The following ACOXL variants were observed in gnomAD, a reference collection of about 807,000 sequenced individuals.
The protein encoded by ACOXL is acyl-coenzyme A oxidase-like protein.
Under a neutral mutation model 71.9 loss-of-function variants are expected in ACOXL, and 70 were observed. That is an observed-to-expected ratio of 0.97 (90% CI 0.80 to 1.19). The LOEUF is 1.19. ACOXL is among the 50% of genes most tolerant of loss of function. ACOXL has a pLI of 0.00. For missense variants in ACOXL, 703 were observed against 736.3 expected (o/e 0.95, Z 0.52); for synonymous variants, 253 against 281.6 (o/e 0.90, Z 1.02).
intron 14 of ACOXL, among the ~76,000 whole-genome samples, chr2:111,014,028 G>A (rs1204968182): frequency 6.6e-6 from 1 of 152,178 alleles, no homozygotes; most frequent in African/African-American, 2.4e-5. Context: ...AATCCAACAT[G>A]AGCTGATGAT....
rs755865532 is a variant in ACOXL, at chr2:111,092,975, C to A, written c.1542+9C>A. The A allele has an allele frequency of 6.0e-5, 96 of 1,610,790 alleles. 1 individual carries two copies. In the Admixed American group the frequency reaches 1.6e-3, roughly 27 times the overall value. ...CGAGGATCAGGAATCAGGTAAGGTC[C>A]CTGGGGTACAGAAAAACACTTTGTA... On this transcript the variant is annotated intron_variant, in intron 17 of 17. Coordinates refer to ENST00000439055, the MANE Select transcript of ACOXL (RefSeq NM_001142807.4).
intron 1 of ACOXL, among the ~76,000 whole-genome samples, chr2:110,765,440 C>T (rs1309828474): frequency 6.6e-6 from 1 of 152,078 alleles, no homozygotes; most frequent in East Asian, 1.9e-4. Context: ...ATTATTGTCC[C>T]AAATGTTCCT....
chr2:110,942,953 A>T (rs1169438475), intron 12 of ACOXL, among the ~76,000 whole-genome samples: 3 of 147,598 alleles, frequency 2.0e-5, no homozygotes, highest in Non-Finnish European at 4.5e-5. Context: ...AGAAAGAAAG[A>T]AGAAAGAAAA....
chr2:110,967,266 C>G (rs1243870103), intron 12 of ACOXL, among the ~76,000 whole-genome samples: 1 of 151,980 alleles, frequency 6.6e-6, no homozygotes, highest in African/African-American at 2.4e-5. Flanking sequence ...TGCAGTCTGA[C>G]CCCAATAATA....
intron 10 of ACOXL, among the ~76,000 whole-genome samples, chr2:110,884,838 G>A (rs905324082): frequency 3.3e-5 from 5 of 151,824 alleles, no homozygotes; most frequent in African/African-American, 9.7e-5. Context: ...GGTTTTTTCC[G>A]TTCAGCCCAA....
intron 9 of ACOXL, among the ~76,000 whole-genome samples, chr2:110,835,687 G>A (rs973843404): frequency 6.6e-6 from 1 of 152,234 alleles, no homozygotes; most frequent in South Asian, 2.1e-4. Context: ...TTTGGGCTGC[G>A]TCATCATTAT....
chr2:110,836,211 G>A (rs556119664), intron 9 of ACOXL, among the ~76,000 whole-genome samples: 1 of 152,278 alleles, frequency 6.6e-6, no homozygotes, highest in African/African-American at 2.4e-5. Context: ...GGGCTGTTGG[G>A]GGTAGTGTGC....
chr2:110,756,332 T>C (rs1257544873), intron 1 of ACOXL, among the ~76,000 whole-genome samples: 1 of 152,212 alleles, frequency 6.6e-6, no homozygotes, highest in East Asian at 1.9e-4. Flanking sequence ...TTTCGTCATG[T>C]TGGCCAGGCT....
chr2:110,833,533 T>C (rs116692954), intron 9 of ACOXL, among the ~76,000 whole-genome samples: 149 of 152,250 alleles, frequency 9.8e-4, no homozygotes, highest in African/African-American at 3.4e-3. Flanking sequence ...GCTTGTGATA[T>C]TGTGCTAAGT....
chr2:110,929,878 GA>G (rs1419812088), intron 11 of ACOXL, among the ~76,000 whole-genome samples: 1 of 152,236 alleles, frequency 6.6e-6, no homozygotes, highest in Admixed American at 6.5e-5. Flanking sequence ...GTCAAGAATT[GA>G]GGTTTGGAAA....
intron 1 of ACOXL, among the ~76,000 whole-genome samples, chr2:110,765,192 T>C (rs1680894963): frequency 6.6e-6 from 1 of 152,196 alleles, no homozygotes; most frequent in Non-Finnish European, 1.5e-5. Flanking sequence ...CATTTCTCTC[T>C]AGCTGCCTTC....
intron 12 of ACOXL, among the ~76,000 whole-genome samples, chr2:110,943,611 C>T (rs2060981301): frequency 6.6e-6 from 1 of 152,206 alleles, no homozygotes; most frequent in Non-Finnish European, 1.5e-5. Flanking sequence ...CATTTGCACA[C>T]AGGTCCTATT....
intron 17 of ACOXL, among the ~76,000 whole-genome samples, chr2:111,110,999 A>G (rs1368774214): frequency 6.6e-6 from 1 of 151,914 alleles, no homozygotes; most frequent in Non-Finnish European, 1.5e-5. Context: ...CCTCTTGAAA[A>G]TTTTTGACTG....
chr2:110,737,891 A>G (rs1677062942), intron 1 of ACOXL, among the ~76,000 whole-genome samples: 1 of 152,228 alleles, frequency 6.6e-6, no homozygotes, highest in South Asian at 2.1e-4. Flanking sequence ...GTAGAAGCTT[A>G]GAGAGGACCA....
intron 3 of ACOXL, 37 bp from the exon 4 acceptor site, chr2:110,793,613 T>G (rs781719826): frequency 6.4e-7 from 1 of 1,572,168 alleles, no homozygotes; most frequent in African/African-American, 1.3e-5. Context: ...GATTGCTGAC[T>G]GTTGCTAATG....
chr2:110,774,984 A>T (rs1418152934), intron 2 of ACOXL, among the ~76,000 whole-genome samples: 1 of 152,232 alleles, frequency 6.6e-6, no homozygotes, highest in East Asian at 1.9e-4. Flanking sequence ...AGACCAATGG[A>T]ATGGAATAAA....
intron 1 of ACOXL, among the ~76,000 whole-genome samples, chr2:110,741,928 C>T (rs1028690881): frequency 1.3e-5 from 2 of 152,116 alleles, no homozygotes; most frequent in African/African-American, 4.8e-5. Flanking sequence ...AGGAGAGAGG[C>T]GGAGAGGTGA....
intron 12 of ACOXL, among the ~76,000 whole-genome samples, chr2:110,947,603 T>C (rs1182219721): frequency 1.3e-5 from 2 of 152,228 alleles, no homozygotes; most frequent in Non-Finnish European, 2.9e-5. Flanking sequence ...ATCCGAACTC[T>C]TTCCCCTTCC....
chr2:111,020,689 A>T (rs2064710023), intron 14 of ACOXL, among the ~76,000 whole-genome samples: 2 of 152,182 alleles, frequency 1.3e-5, no homozygotes, highest in African/African-American at 4.8e-5. Context: ...TGTGAACAAG[A>T]CAGTCTGCTA....
Sources: allele counts gnomAD v4.1 joint callset (sites outside exome capture counted in the v4.1 genomes callset), GRCh38; gene constraint gnomAD v4.1.1; transcripts MANE v1.5; gene names NCBI Gene and HGNC (gene_info 2026-07-23, HGNC 2026-07-21).